BANK1: variants seen among roughly 807,000 people sequenced by gnomAD.
The protein encoded by BANK1 is B-cell scaffold protein with ankyrin repeats.
A neutral mutation model predicts 94.5 loss-of-function variants in BANK1; 95 were observed. The observed-to-expected ratio is 1.00, with a 90% CI of 0.85 to 1.19. The LOEUF (loss-of-function observed/expected upper bound fraction) is 1.19. Among genes scored for constraint, BANK1 ranks in the 50% most tolerant of loss-of-function variants. The probability of loss-of-function intolerance (pLI) is 0.00; values close to 1 mark genes in which losing one functional copy is unlikely to be tolerated. For missense variants in BANK1, 987 were observed against 932.2 expected (o/e 1.06, Z -0.77); for synonymous variants, 334 against 308.4 (o/e 1.08, Z -0.87).
chr4:101,808,067 A>G (rs893206537), intron 1 of BANK1, among the ~76,000 whole-genome samples: 6 of 150,736 alleles, frequency 4.0e-5, no homozygotes, highest in Non-Finnish European at 8.9e-5. Context: ...AGCCGGGGTG[A>G]CAGAGCAAGA....
chr4:101,935,973 A>T (rs781388218), intron 7 of BANK1, among the ~76,000 whole-genome samples: 1 of 151,448 alleles, frequency 6.6e-6, no homozygotes, highest in African/African-American at 2.4e-5. Context: ...AAAAGAAAAC[A>T]TGGTGAAACC....
intron 7 of BANK1, among the ~76,000 whole-genome samples, chr4:101,967,299 G>A (rs575403339): frequency 6.6e-6 from 1 of 152,164 alleles, no homozygotes; most frequent in Admixed American, 6.6e-5. Context: ...GACATAGACA[G>A]TCCAAGAAAA....
chr4:102,007,111 AAATATATATTT>A (rs1726307769), intron 7 of BANK1, among the ~76,000 whole-genome samples: 1 of 53,232 alleles, frequency 1.9e-5, no homozygotes, highest in Non-Finnish European at 4.3e-5. Context: ...ATATATATAT[AAATATATATTT>A]TATATATATA....
At chr4:101,930,430 G>A (rs1723300163) in intron 7 of BANK1, among the ~76,000 whole-genome samples, 1 of 151,420 alleles carries the variant, frequency 6.6e-6, no homozygotes, top group African/African-American at 2.4e-5. Context: ...CTGGTCTCAT[G>A]AGCTCACATT....
intron 6 of BANK1, among the ~76,000 whole-genome samples, chr4:101,907,054 T>G (rs530560270): frequency 6.6e-6 from 1 of 152,290 alleles, no homozygotes; most frequent in South Asian, 2.1e-4. Flanking sequence ...GATATTAAAT[T>G]AAAAGTATCC....
chr4:101,861,538 A>G (rs1395554574), intron 3 of BANK1, among the ~76,000 whole-genome samples: 3 of 152,168 alleles, frequency 2.0e-5, no homozygotes, highest in Non-Finnish European at 2.9e-5. Context: ...GTTCGACAGC[A>G]TGATATAAGG....
chr4:101,855,466 A>C (rs1257661219), intron 3 of BANK1, among the ~76,000 whole-genome samples: 1 of 152,202 alleles, frequency 6.6e-6, no homozygotes, highest in Non-Finnish European at 1.5e-5. Context: ...GTTCATGGCT[A>C]TCCTCTGAAC....
At chr4:101,815,864 T>G (rs1316269571) in intron 1 of BANK1, among the ~76,000 whole-genome samples, 2 of 152,124 alleles carry the variant, frequency 1.3e-5, no homozygotes, top group East Asian at 1.9e-4. Flanking sequence ...TTCTAAAGGA[T>G]TTTTAGAAAT....
intron 11 of BANK1, among the ~76,000 whole-genome samples, chr4:102,047,708 AG>A (rs1727927967): frequency 6.6e-6 from 1 of 152,090 alleles, no homozygotes; most frequent in South Asian, 2.1e-4. Flanking sequence ...TTAGAATTAA[AG>A]GGAAAATGCA....
At chr4:101,797,339 C>T (rs1160469897) in intron 1 of BANK1, among the ~76,000 whole-genome samples, 1 of 152,002 alleles carries the variant, frequency 6.6e-6, no homozygotes, top group Non-Finnish European at 1.5e-5. Flanking sequence ...GAAAAGTAAA[C>T]CAAAACCTAA....
chr4:102,061,574 T>C (rs986491815), intron 12 of BANK1: 3 of 152,212 alleles, frequency 2.0e-5, no homozygotes, highest in Admixed American at 1.3e-4. Context: ...TTCCTAGCAA[T>C]GTTAGATTTT....
At chr4:102,030,316 T>C in intron 10 of BANK1, 51 bp downstream of exon 10, 10 of 1,502,724 alleles carry the variant, frequency 6.7e-6, no homozygotes, top group Non-Finnish European at 8.9e-6. Flanking sequence ...GTCCAAAATT[T>C]TGAGGATGGG....
At chr4:101,944,135 C>A (rs992572858) in intron 7 of BANK1, among the ~76,000 whole-genome samples, 3 of 151,482 alleles carry the variant, frequency 2.0e-5, no homozygotes, top group African/African-American at 7.3e-5. Context: ...ATTTAATACT[C>A]CTCAGTAAGC....
intron 1 of BANK1, among the ~76,000 whole-genome samples, chr4:101,814,674 C>G (rs1374385652): frequency 6.6e-6 from 1 of 152,180 alleles, no homozygotes; most frequent in African/African-American, 2.4e-5. Context: ...TTAAGTCCAG[C>G]TTAATGACTT....
chr4:101,906,808 T>C (rs1722467141), intron 6 of BANK1, among the ~76,000 whole-genome samples: 1 of 152,128 alleles, frequency 6.6e-6, no homozygotes, highest in Non-Finnish European at 1.5e-5. Flanking sequence ...CAACTGTTGC[T>C]CTGAGACCCA....
chr4:101,799,157 TC>T (rs1293996849), intron 1 of BANK1, among the ~76,000 whole-genome samples: 1 of 152,214 alleles, frequency 6.6e-6, no homozygotes, highest in East Asian at 1.9e-4. Context: ...AAGGAAGGGA[TC>T]CAGTTTCAGC....
At chr4:101,993,278 C>G (rs1281457982) in intron 7 of BANK1, among the ~76,000 whole-genome samples, 4 of 152,098 alleles carry the variant, frequency 2.6e-5, no homozygotes, top group African/African-American at 9.7e-5. Context: ...AGTTGTACAT[C>G]GTTTTCTCAT....
intron 2 of BANK1, among the ~76,000 whole-genome samples, chr4:101,846,937 G>T (rs889816282): frequency 1.3e-5 from 2 of 152,124 alleles, no homozygotes; most frequent in Non-Finnish European, 2.9e-5. Context: ...TTCATTTATT[G>T]CTCAGAACCT....
intron 2 of BANK1, among the ~76,000 whole-genome samples, chr4:101,853,230 A>T (rs1316609011): frequency 6.6e-6 from 1 of 152,234 alleles, no homozygotes; most frequent in Non-Finnish European, 1.5e-5. Flanking sequence ...AAGACAGAAG[A>T]AAACAAGAAA....
Sources: allele counts gnomAD v4.1 joint callset (sites outside exome capture counted in the v4.1 genomes callset), GRCh38; gene constraint gnomAD v4.1.1; transcripts MANE v1.5; gene names NCBI Gene and HGNC (gene_info 2026-07-23, HGNC 2026-07-21).